METTL25: variants seen among roughly 807,000 people sequenced by gnomAD.
METTL25 encodes the protein probable methyltransferase-like protein 25.
In METTL25, 64 loss-of-function variants were observed where a neutral mutation model predicts 71.6. The ratio of observed to expected loss-of-function variants is 0.89; its 90% CI spans 0.73 to 1.10. The LOEUF (loss-of-function observed/expected upper bound fraction) is 1.10, where lower values mean the gene tolerates loss of function less well. Ranked by LOEUF, METTL25 falls within the 50% of genes least tolerant of loss-of-function variation. The pLI, the probability that METTL25 is intolerant of heterozygous loss-of-function variation, is 0.00. For missense variants in METTL25, 807 were observed against 707.0 expected, an observed-to-expected ratio of 1.14 and a Z score of -1.60; for synonymous variants, 287 against 250.3, an observed-to-expected ratio of 1.15 and a Z score of -1.38.
chr12:82,422,411 T>A (rs1325530389), intron 5 of METTL25, among the ~76,000 whole-genome samples: 2 of 152,064 alleles, frequency 1.3e-5, no homozygotes, highest in African/African-American at 4.8e-5. Context: ...AATAATGAGC[T>A]ATGTATGACA....
At chr12:82,374,299 G>A (rs1232343734) in intron 1 of METTL25, 2 of 152,268 alleles carry the variant, frequency 1.3e-5, no homozygotes, top group Non-Finnish European at 2.9e-5. Context: ...GCATGGAAGG[G>A]GACCTGAGCA....
chr12:82,422,809 G>T (rs563539197), intron 5 of METTL25, among the ~76,000 whole-genome samples: 5 of 152,192 alleles, frequency 3.3e-5, no homozygotes, highest in Admixed American at 6.5e-5. Flanking sequence ...GCTTCAAAGA[G>T]AATAAAATAC....
At chr12:82,452,711 A>C (rs1366597317) in intron 8 of METTL25, among the ~76,000 whole-genome samples, 1 of 152,196 alleles carries the variant, frequency 6.6e-6, no homozygotes, top group African/African-American at 2.4e-5. Flanking sequence ...TATCATGCAA[A>C]AGTAACCTTT....
At chr12:82,373,834 C>CT (rs1268032999) in intron 1 of METTL25, among the ~76,000 whole-genome samples, 1 of 152,194 alleles carries the variant, frequency 6.6e-6, no homozygotes, top group African/African-American at 2.4e-5. Flanking sequence ...CCCAGAAAGT[C>CT]TAACACCTGT....
intron 9 of METTL25, among the ~76,000 whole-genome samples, chr12:82,466,249 C>G (rs1482925057): frequency 6.6e-6 from 1 of 151,026 alleles, no homozygotes; most frequent in South Asian, 2.1e-4. Flanking sequence ...CCCCTTAATA[C>G]TGCTTTTGGT....
chr12:82,441,806 A>AACACACACACACAC (rs57098687), intron 8 of METTL25, among the ~76,000 whole-genome samples: 13,064 of 133,842 alleles, frequency 0.098, 776 homozygotes, highest in Middle Eastern at 0.12. Flanking sequence ...AAAAAATAGA[A>AACACACACACACAC]ACACACACAC....
At chr12:82,439,087 A>G (rs772183945) in intron 8 of METTL25, 5 of 192,438 alleles carry the variant, frequency 2.6e-5, no homozygotes, top group Non-Finnish European at 5.3e-5. Context: ...TGACGATATT[A>G]TATGAGCAAG....
At chr12:82,449,429 A>G (rs1213113941) in intron 8 of METTL25, among the ~76,000 whole-genome samples, 1 of 152,146 alleles carries the variant, frequency 6.6e-6, no homozygotes, top group African/African-American at 2.4e-5. Context: ...CTGGCACGCC[A>G]GATTATTCAT....
At chr12:82,456,963 T>A (rs571973519) in intron 9 of METTL25, 143 bp downstream of exon 9, 1 of 401,566 alleles carries the variant, frequency 2.5e-6, no homozygotes, top group East Asian at 3.7e-5. Context: ...AAGACCTCCA[T>A]CATCTTTTTT....
chr12:82,418,262 A>G (rs917596381), intron 5 of METTL25, among the ~76,000 whole-genome samples: 4 of 152,140 alleles, frequency 2.6e-5, no homozygotes, highest in African/African-American at 9.7e-5. Flanking sequence ...GCAGACTGAG[A>G]TGAGAGTTGT....
intron 5 of METTL25, among the ~76,000 whole-genome samples, chr12:82,414,994 A>G (rs1366056206): frequency 1.3e-5 from 2 of 152,096 alleles, no homozygotes; most frequent in African/African-American, 4.8e-5. Flanking sequence ...TATGTGTCTC[A>G]TTATAAATTA....
At chr12:82,408,001 GC>G in intron 5 of METTL25, 1 of 978,940 alleles carries the variant, frequency 1.0e-6, no homozygotes, top group East Asian at 1.1e-4. Flanking sequence ...AATTCTAGCT[GC>G]CTAGCTGAGT....
intron 8 of METTL25, among the ~76,000 whole-genome samples, chr12:82,439,471 A>G (rs1454046871): frequency 2.0e-5 from 3 of 151,852 alleles, no homozygotes; most frequent in Admixed American, 2.0e-4. Flanking sequence ...ATTATTCTAC[A>G]AATTAAAATA....
At chr12:82,418,867 T>C (rs1888214655) in intron 5 of METTL25, among the ~76,000 whole-genome samples, 1 of 152,110 alleles carries the variant, frequency 6.6e-6, no homozygotes. Context: ...TGCAGTTTTA[T>C]GTGGGTATGT....
intron 5 of METTL25, among the ~76,000 whole-genome samples, chr12:82,423,201 C>T (rs1888682925): frequency 6.6e-6 from 1 of 152,198 alleles, no homozygotes; most frequent in Non-Finnish European, 1.5e-5. Context: ...GAGATGTAGA[C>T]CAATGGAACA....
In METTL25 at chr12:82,456,266, G is replaced by T. The variant is rs141399113; in HGVS notation, c.1479-461G>T. On this transcript the variant is annotated intron_variant, in intron 8 of 11. Transcript: ENST00000248306. ...ATAAGAGTTTGCAGGGCATAAATGA[G>T]ATCAAGTCAGATCCATCTCATTATA... Among the ~76,000 whole-genome samples the T allele has an allele frequency of 3.0e-3, 462 of 151,964 alleles. 3 individuals carry two copies. The highest frequency in any genetic ancestry group is 0.011 in the African/African-American group (437 of 41,538).
intron 5 of METTL25, among the ~76,000 whole-genome samples, chr12:82,409,738 C>T (rs890071030): frequency 3.9e-5 from 6 of 152,042 alleles, no homozygotes; most frequent in African/African-American, 1.4e-4. Context: ...CGAAAGCCTG[C>T]AGGCTTAACT....
chr12:82,443,232 G>A (rs1242529017), intron 8 of METTL25, among the ~76,000 whole-genome samples: 8 of 151,862 alleles, frequency 5.3e-5, no homozygotes, highest in Non-Finnish European at 8.8e-5. Context: ...TTCTAGACAC[G>A]TAAGAGTAAA....
intron 11 of METTL25, 59 bp downstream of exon 11, chr12:82,477,411 G>A: frequency 1.2e-6 from 1 of 837,732 alleles, no homozygotes; most frequent in Non-Finnish European, 1.8e-6. Context: ...GTAATATAGA[G>A]CCACTTATAT....
Sources: allele counts gnomAD v4.1 joint callset (sites outside exome capture counted in the v4.1 genomes callset), GRCh38; gene constraint gnomAD v4.1.1; transcripts MANE v1.5; gene names NCBI Gene and HGNC (gene_info 2026-07-23, HGNC 2026-07-21).